RBFOX3: variants seen among roughly 807,000 people sequenced by gnomAD.
The protein encoded by RBFOX3 is RNA binding protein fox-1 homolog 3.
Under a neutral mutation model 48.7 loss-of-function variants are expected in RBFOX3, and 17 were observed. The observed-to-expected ratio is 0.35, with a 90% CI of 0.24 to 0.52. The LOEUF (loss-of-function observed/expected upper bound fraction) is 0.52, where lower values mean the gene tolerates loss of function less well. RBFOX3 is among the 20% of genes least tolerant of loss of function. The pLI, the probability that RBFOX3 is intolerant of heterozygous loss-of-function variation, is 0.94. For missense variants in RBFOX3, 382 were observed against 497.5 expected (o/e 0.77, Z 2.21); for synonymous variants, 212 against 209.5 (o/e 1.01, Z -0.10).
intron 1 of RBFOX3, among the ~76,000 whole-genome samples, chr17:79,505,464 G>A (rs1439802926): frequency 2.0e-5 from 3 of 152,198 alleles, no homozygotes; most frequent in Admixed American, 6.5e-5. Flanking sequence ...TCACTTGCCC[G>A]CAGCAGACCC....
chr17:79,567,012 A>G (rs1340983816), intron 1 of RBFOX3, among the ~76,000 whole-genome samples: 1 of 151,380 alleles, frequency 6.6e-6, no homozygotes, highest in Non-Finnish European at 1.5e-5. Flanking sequence ...CCGAGGACTC[A>G]CTCCTCCTAT....
intron 2 of RBFOX3, among the ~76,000 whole-genome samples, chr17:79,395,546 G>A (rs2061884287): frequency 6.6e-6 from 1 of 152,244 alleles, no homozygotes; most frequent in South Asian, 2.1e-4. Flanking sequence ...CTGGGCTGTG[G>A]TTTACAGTGG....
intron 4 of RBFOX3, among the ~76,000 whole-genome samples, chr17:79,213,441 A>G (rs1462922301): frequency 1.3e-5 from 2 of 152,166 alleles, no homozygotes; most frequent in Non-Finnish European, 2.9e-5. Flanking sequence ...CAGGACCTAA[A>G]TCCAGCAACA....
chr17:79,403,937 G>A lies in RBFOX3; in HGVS notation c.-175+78517C>T, dbSNP rs143545258. On this transcript the variant is annotated intron_variant, in intron 2 of 14. Coordinates refer to ENST00000693108, the MANE Select transcript of RBFOX3 (RefSeq NM_001350451.2). ...TGGGACTACAGGCGCCCGCCACCACGCCTGGCTAAGTTTTGTATTTTTAGT... is the reference window on the plus strand; with the variant it reads ...TGGGACTACAGGCGCCCGCCACCACACCTGGCTAAGTTTTGTATTTTTAGT... 4.4e-3 allele frequency among the ~76,000 whole-genome samples: 675 copies of A among 152,088 alleles called. 9 individuals are homozygous for A. Among genetic ancestry groups the A allele is most frequent in the African/African-American group, 0.015 (625 of 41,492 alleles).
At position 79,199,124 on chromosome 17, in the gene RBFOX3, A is replaced by G. The variant is rs2056298967; in HGVS notation, c.-34+36642T>C. 6.6e-6 allele frequency among the ~76,000 whole-genome samples: 1 copy of G among 152,112 alleles called. No homozygotes were observed. Among genetic ancestry groups the G allele is most frequent in the Non-Finnish European group, 1.5e-5 (1 of 68,008 alleles). On this transcript the variant is annotated intron_variant, in intron 4 of 14. Coordinates refer to ENST00000693108, the MANE Select transcript of RBFOX3 (RefSeq NM_001350451.2). This position sits in a 1 kb window ranked among gnomAD's most constrained non-coding sequence, Gnocchi z 5.1. ...AAGCAAGTGGGGGCTGTCTCCATGG[A>G]GTGAAAGCTGCCCAGCAAAGGGTGC...
At chr17:79,557,931 C>T (rs2091902978) in intron 1 of RBFOX3, among the ~76,000 whole-genome samples, 1 of 152,122 alleles carries the variant, frequency 6.6e-6, no homozygotes, top group African/African-American at 2.4e-5. Context: ...GGCCGGGAGA[C>T]AGAGGAGACC....
chr17:79,381,510 C>T (rs1438610831), intron 2 of RBFOX3, among the ~76,000 whole-genome samples: 3 of 152,330 alleles, frequency 2.0e-5, no homozygotes, highest in East Asian at 1.9e-4. Flanking sequence ...TCAGACAGCG[C>T]ATCCTGGGCC....
At chr17:79,591,262 G>A (rs1238043233) in intron 1 of RBFOX3, among the ~76,000 whole-genome samples, 2 of 152,184 alleles carry the variant, frequency 1.3e-5, no homozygotes, top group Admixed American at 6.5e-5. Flanking sequence ...TGGGGGCCAA[G>A]GCTTCAGAAG....
chr17:79,172,199 A>T (rs1184782624), intron 4 of RBFOX3, among the ~76,000 whole-genome samples: 1 of 151,796 alleles, frequency 6.6e-6, no homozygotes, highest in Non-Finnish European at 1.5e-5. Flanking sequence ...AAAAAAGAGA[A>T]AAAGAAAAAA....
chr17:79,417,840 T>G (rs989107697), intron 2 of RBFOX3, among the ~76,000 whole-genome samples: 1 of 152,306 alleles, frequency 6.6e-6, no homozygotes, highest in Middle Eastern at 3.4e-3. Flanking sequence ...GATGGACGAA[T>G]GGAGAAACAG....
intron 2 of RBFOX3, among the ~76,000 whole-genome samples, chr17:79,397,685 T>C (rs1248945998): frequency 6.6e-6 from 1 of 151,116 alleles, no homozygotes; most frequent in Non-Finnish European, 1.5e-5. Flanking sequence ...CTTTACGACA[T>C]GGTCCAATGG....
intron 2 of RBFOX3, among the ~76,000 whole-genome samples, chr17:79,355,389 C>T (rs906765084): frequency 1.4e-4 from 22 of 152,184 alleles, no homozygotes; most frequent in Non-Finnish European, 2.9e-5. Context: ...AGCATTTCCT[C>T]TCTGCGTGGG....
rs193005157 is a variant in RBFOX3, at chr17:79,549,273, T to C, written c.-320+61553A>G. On this transcript the variant is annotated intron_variant, in intron 1 of 14. Coordinates refer to ENST00000693108, the MANE Select transcript of RBFOX3 (RefSeq NM_001350451.2). Reference sequence around the variant, plus strand: ...TAAGGGAGGTTGGCGGGGCTCAGCCTGCAGGTAGGAGCCTACAGCAGAGAA... The same window carrying C: ...TAAGGGAGGTTGGCGGGGCTCAGCCCGCAGGTAGGAGCCTACAGCAGAGAA... Among the ~76,000 whole-genome samples, 197 of 152,356 alleles carry C rather than the reference T, an allele frequency of 1.3e-3. 1 individual carries two copies. The highest frequency in any genetic ancestry group is 3.4e-3 in the Middle Eastern group (1 of 294).
At chr17:79,620,107 G>C in the RBFOX3 span, among the ~76,000 whole-genome samples, 3 of 124,090 alleles carry the variant, frequency 2.4e-5, no homozygotes, top group Admixed American at 7.8e-5. Context: ...ATGTGTGCAT[G>C]CACGCATATG....
intron 4 of RBFOX3, among the ~76,000 whole-genome samples, chr17:79,190,982 C>G (rs1393902273): frequency 6.6e-6 from 1 of 152,146 alleles, no homozygotes; most frequent in African/African-American, 2.4e-5. Context: ...TGAATTTGCA[C>G]CATGTTTGGT....
At chr17:79,185,730 C>A (rs1004041917) in intron 4 of RBFOX3, among the ~76,000 whole-genome samples, 2 of 152,224 alleles carry the variant, frequency 1.3e-5, no homozygotes, top group African/African-American at 2.4e-5. Flanking sequence ...GGAATCCAAG[C>A]CTCATCCCCT....
At chr17:79,177,910 C>G (rs2050954246) in intron 4 of RBFOX3, among the ~76,000 whole-genome samples, 1 of 152,236 alleles carries the variant, frequency 6.6e-6, no homozygotes. Context: ...CCCTGAGAAA[C>G]ACACATTTGT....
At chr17:79,122,444 G>A (rs897293188) in intron 4 of RBFOX3, among the ~76,000 whole-genome samples, 3 of 152,108 alleles carry the variant, frequency 2.0e-5, no homozygotes, top group African/African-American at 7.2e-5. Flanking sequence ...GCACACAGGT[G>A]TATAAAAAGG....
At chr17:79,244,387 G>C (rs985454663) in intron 3 of RBFOX3, among the ~76,000 whole-genome samples, 1 of 152,130 alleles carries the variant, frequency 6.6e-6, no homozygotes, top group Admixed American at 6.5e-5. Flanking sequence ...AGACCTCAAG[G>C]CTCCATCTCC....
Sources: allele counts gnomAD v4.1 joint callset (sites outside exome capture counted in the v4.1 genomes callset), GRCh38; gene constraint gnomAD v4.1.1; non-coding constraint Gnocchi (gnomAD v3.1); transcripts MANE v1.5; gene names NCBI Gene and HGNC (gene_info 2026-07-23, HGNC 2026-07-21).